The following SLC38A9 variants were observed in gnomAD, a reference collection of about 807,000 sequenced individuals.
SLC38A9 encodes neutral amino acid transporter 9.
In SLC38A9, 48 loss-of-function variants were observed where a neutral mutation model predicts 62.3. The ratio of observed to expected loss-of-function variants is 0.77; its 90% CI spans 0.61 to 0.98. The LOEUF (loss-of-function observed/expected upper bound fraction) is 0.98. Among genes scored for constraint, SLC38A9 ranks in the 50% least tolerant of loss-of-function variants. SLC38A9 has a pLI of 0.00. For missense variants in SLC38A9, 541 were observed against 679.8 expected, an observed-to-expected ratio of 0.80 and a Z score of 2.27; for synonymous variants, 204 against 227.7, an observed-to-expected ratio of 0.90 and a Z score of 0.94.
intron 3 of SLC38A9, chr5:55,673,290 T>C (rs1751610768): frequency 6.6e-6 from 1 of 152,222 alleles, no homozygotes; most frequent in African/African-American, 2.4e-5. Context: ...TTTTTGCGGA[T>C]TTTAGTAACA....
At chr5:55,710,016 C>T (rs1280334182) in intron 2 of SLC38A9, among the ~76,000 whole-genome samples, 3 of 132,756 alleles carry the variant, frequency 2.3e-5, no homozygotes, top group African/African-American at 8.6e-5. Flanking sequence ...TTGCAGTGAG[C>T]TGAGATTGCG....
At chr5:55,658,040 T>A (rs1748766123) in intron 8 of SLC38A9, 2 of 152,242 alleles carry the variant, frequency 1.3e-5, no homozygotes, top group Admixed American at 6.5e-5. Flanking sequence ...CAAATTTATG[T>A]CCACTAGAAA....
intron 14 of SLC38A9, among the ~76,000 whole-genome samples, chr5:55,628,395 T>TATCA (rs1742834318): frequency 6.6e-6 from 1 of 152,082 alleles, no homozygotes; most frequent in African/African-American, 2.4e-5. Context: ...TAAAATAACT[T>TATCA]ATCACCATTA....
intron 3 of SLC38A9, among the ~76,000 whole-genome samples, chr5:55,684,578 G>A (rs1369123247): frequency 6.6e-6 from 1 of 152,118 alleles, no homozygotes; most frequent in Non-Finnish European, 1.5e-5. Context: ...CTCTTAGTGG[G>A]CCCTGGATTC....
Position 55,667,103 on chromosome 5 carries a change from G to A in SLC38A9, c.526+2125C>T, listed in dbSNP as rs373195471. On this transcript the variant is annotated intron_variant, in intron 7 of 15. Transcript: ENST00000396865. Reference sequence around the variant, plus strand: ...CCAGCTACTCGGGAGGCTGAGGCATGAGAATTGCTTGAACCTGGGAGGAGG... The same window carrying A: ...CCAGCTACTCGGGAGGCTGAGGCATAAGAATTGCTTGAACCTGGGAGGAGG... Among the ~76,000 whole-genome samples, 30 of 152,338 alleles carry A rather than the reference G, an allele frequency of 2.0e-4. No individual in the cohort carries two copies. In the East Asian group the frequency reaches 5.8e-3, roughly 29 times the overall value.
At chr5:55,631,391 T>C (rs954598088) in intron 14 of SLC38A9, among the ~76,000 whole-genome samples, 2 of 152,112 alleles carry the variant, frequency 1.3e-5, no homozygotes. Flanking sequence ...CTCTGACTTT[T>C]TCCAAGAAGA....
At chr5:55,660,929 A>C (rs1749409381) in intron 8 of SLC38A9, among the ~76,000 whole-genome samples, 1 of 134,918 alleles carries the variant, frequency 7.4e-6, no homozygotes, top group Non-Finnish European at 1.6e-5. Context: ...CTAGGTAAGG[A>C]GAAATTATAC....
intron 3 of SLC38A9, 39 bp from the exon 4 acceptor site, chr5:55,672,734 C>A: frequency 1.3e-6 from 2 of 1,584,890 alleles, no homozygotes; most frequent in East Asian, 2.2e-5. Flanking sequence ...AGTGTTCAGC[C>A]AAAAATTCTG....
intron 2 of SLC38A9, among the ~76,000 whole-genome samples, chr5:55,705,925 G>A (rs1757236466): frequency 6.6e-6 from 1 of 152,098 alleles, no homozygotes; most frequent in Non-Finnish European, 1.5e-5. Context: ...GGCCAGGCAG[G>A]TCTCGAACTC....
intron 9 of SLC38A9, among the ~76,000 whole-genome samples, chr5:55,653,082 G>A (rs1313743557): frequency 1.3e-5 from 2 of 151,838 alleles, no homozygotes; most frequent in Non-Finnish European, 2.9e-5. Flanking sequence ...TTCTCTTGTT[G>A]CAGCCTCCCA....
intron 2 of SLC38A9, among the ~76,000 whole-genome samples, chr5:55,703,879 G>A (rs1452934662): frequency 6.6e-6 from 1 of 152,170 alleles, no homozygotes; most frequent in Non-Finnish European, 1.5e-5. Context: ...GCCTGGCATG[G>A]TGGCTCATTC....
In SLC38A9 at chr5:55,638,815, G is replaced by T. The variant is rs1485180862; in HGVS notation, c.1168-3158C>A. Among the ~76,000 whole-genome samples, 61 of 152,066 alleles carry T rather than the reference G, an allele frequency of 4.0e-4. 2 individuals are homozygous for T. Among genetic ancestry groups the T allele is most frequent in the Admixed American group, 3.9e-3 (59 of 15,272 alleles). ...ATGAGGTATTTCAAATCGTTTTAAA[G>T]AACAAAGCAGGGTAATACAACTAAA... On this transcript the variant is annotated intron_variant, in intron 12 of 15. Coordinates refer to ENST00000396865, the MANE Select transcript of SLC38A9 (RefSeq NM_173514.4).
At chr5:55,664,955 G>A in intron 7 of SLC38A9, 92 bp from the exon 8 acceptor site, 2 of 804,002 alleles carry the variant, frequency 2.5e-6, no homozygotes, top group Non-Finnish European at 1.9e-6. Flanking sequence ...AAAATATTTG[G>A]CGAAAGATTA....
chr5:55,628,210 C>T (rs1207415794), intron 14 of SLC38A9, among the ~76,000 whole-genome samples: 1 of 151,744 alleles, frequency 6.6e-6, no homozygotes, highest in African/African-American at 2.4e-5. Flanking sequence ...TAGAAGTACA[C>T]TGGTAGTGTG....
Position 55,656,710 on chromosome 5 carries a change from CT to C in SLC38A9, c.757+4del. On this transcript the variant is annotated splice_donor_region_variant and intron_variant, in intron 9 of 15. Transcript: ENST00000396865. ...AAGAAACAAACAACATCCCAAACTA[CT>C]TACCAGGGTTGCTATTATTGGTACT... The C allele has an allele frequency of 6.3e-7, 1 of 1,592,698 alleles. No homozygotes were observed. The highest frequency in any genetic ancestry group is 8.6e-7 in the Non-Finnish European group (1 of 1,161,190).
chr5:55,658,989 G>A (rs1307027799), intron 8 of SLC38A9, among the ~76,000 whole-genome samples: 1 of 152,076 alleles, frequency 6.6e-6, no homozygotes, highest in Admixed American at 6.5e-5. Flanking sequence ...TGATAAAGGA[G>A]GAAATTTAAT....
chr5:55,638,725 T>C (rs1201910958), intron 12 of SLC38A9, among the ~76,000 whole-genome samples: 1 of 152,200 alleles, frequency 6.6e-6, no homozygotes, highest in Non-Finnish European at 1.5e-5. Context: ...TAACTTCTCC[T>C]GGTATATAGC....
At chr5:55,684,103 T>C (rs958564039) in intron 3 of SLC38A9, among the ~76,000 whole-genome samples, 20 of 152,222 alleles carry the variant, frequency 1.3e-4, no homozygotes, top group African/African-American at 4.6e-4. Context: ...TTCCACAAAT[T>C]TATTTTTTTC....
intron 3 of SLC38A9, among the ~76,000 whole-genome samples, chr5:55,683,109 T>G (rs10043788): frequency 9.9e-5 from 15 of 152,092 alleles, no homozygotes; most frequent in Admixed American, 7.2e-4. Flanking sequence ...AATATAAATT[T>G]AAAATGAAAA....
Sources: gnomAD v4.1 joint callset for allele counts (sites outside exome capture counted in the v4.1 genomes callset) on GRCh38, gnomAD v4.1.1 for gene constraint, MANE v1.5 for transcripts, NCBI Gene and HGNC (gene_info 2026-07-23, HGNC 2026-07-21) for gene names.